Variants in LSM14A observed in about 807,000 individuals in gnomAD.
The protein encoded by LSM14A is LSM14A mRNA processing body assembly factor, also known as protein LSM14 homolog A.
LSM14A carries 14 observed loss-of-function variants against 52.4 expected under a neutral mutation model. The observed-to-expected ratio is 0.27, with a 90% CI of 0.18 to 0.42. The LOEUF is 0.42. LSM14A is among the 10% of genes least tolerant of loss of function. The probability of loss-of-function intolerance (pLI) is 1.00; values close to 1 mark genes in which losing one functional copy is unlikely to be tolerated. For missense variants in LSM14A, 417 were observed against 581.8 expected (o/e 0.72, Z 2.91); for synonymous variants, 185 against 200.3 (o/e 0.92, Z 0.64).
At chr19:34,202,716 C>T (rs1264809357) in intron 3 of LSM14A, among the ~76,000 whole-genome samples, 2 of 152,038 alleles carry the variant, frequency 1.3e-5, no homozygotes, top group African/African-American at 2.4e-5. Context: ...AGTGCAGTGG[C>T]GCATCTCCGC....
intron 1 of LSM14A, among the ~76,000 whole-genome samples, chr19:34,191,622 C>G (rs1275056124): frequency 6.6e-6 from 1 of 151,876 alleles, no homozygotes; most frequent in Non-Finnish European, 1.5e-5. Flanking sequence ...TGCTGCTTGC[C>G]AAAACGTGAA....
At chr19:34,218,169 A>G (rs1279489388) in intron 6 of LSM14A, among the ~76,000 whole-genome samples, 2 of 151,410 alleles carry the variant, frequency 1.3e-5, no homozygotes, top group African/African-American at 4.9e-5. Context: ...ACGCCTGGCT[A>G]ATGTTTCTGT....
At chr19:34,177,559 A>C (rs1332465793) in intron 1 of LSM14A, among the ~76,000 whole-genome samples, 1 of 152,182 alleles carries the variant, frequency 6.6e-6, no homozygotes, top group African/African-American at 2.4e-5. Context: ...CCCTGGTGGA[A>C]AGTCCTTGTT....
intron 1 of LSM14A, 27 bp downstream of exon 1, chr19:34,172,790 G>C (rs372431374): frequency 3.2e-6 from 5 of 1,550,762 alleles, no homozygotes; most frequent in Non-Finnish European, 4.3e-6. Flanking sequence ...CTCAGGGTGG[G>C]GGCCGAGCCG....
intron 4 of LSM14A, among the ~76,000 whole-genome samples, chr19:34,210,907 A>T (rs889531212): frequency 1.3e-5 from 2 of 152,268 alleles, no homozygotes; most frequent in Admixed American, 6.5e-5. Context: ...GGAACACATG[A>T]AAAAGAAGCA....
intron 3 of LSM14A, among the ~76,000 whole-genome samples, chr19:34,207,532 A>AT (rs1316686200): frequency 0.079 from 10,815 of 136,160 alleles, 702 homozygotes; most frequent in African/African-American, 0.17. Context: ...CTGAAGCCAC[A>AT]TTTTTTTTTT....
chr19:34,179,538 T>TTGTTACA (rs1380646440), intron 1 of LSM14A, among the ~76,000 whole-genome samples: 1 of 152,200 alleles, frequency 6.6e-6, no homozygotes, highest in African/African-American at 2.4e-5. Flanking sequence ...CAGTTTATTA[T>TTGTTACA]TGTTACATAG....
intron 9 of LSM14A, among the ~76,000 whole-genome samples, chr19:34,222,762 T>C (rs963305348): frequency 3.9e-5 from 6 of 152,200 alleles, no homozygotes; most frequent in Admixed American, 3.3e-4. Flanking sequence ...CACCAGCTTA[T>C]GCCATCCAGC....
chr19:34,213,339 T>A (rs2072312519), intron 4 of LSM14A, among the ~76,000 whole-genome samples: 2 of 152,232 alleles, frequency 1.3e-5, no homozygotes, highest in African/African-American at 4.8e-5. Context: ...TGGGTTTTGA[T>A]AAATGATCAT....
chr19:34,202,804 G>A (rs1284818604), intron 3 of LSM14A, among the ~76,000 whole-genome samples: 5 of 152,012 alleles, frequency 3.3e-5, no homozygotes, highest in African/African-American at 9.7e-5. Context: ...ACAGACGCCC[G>A]CCACCACGCC....
At chr19:34,196,279 G>A (rs1033751545) in intron 2 of LSM14A, among the ~76,000 whole-genome samples, 2 of 151,942 alleles carry the variant, frequency 1.3e-5, no homozygotes, top group Non-Finnish European at 2.9e-5. Context: ...ATCAACATCA[G>A]ACTAAAACTC....
chr19:34,195,855 T>C (rs2070796642), intron 2 of LSM14A, among the ~76,000 whole-genome samples: 1 of 152,154 alleles, frequency 6.6e-6, no homozygotes, highest in Non-Finnish European at 1.5e-5. Flanking sequence ...CATATGAAAA[T>C]GGTGTTGAAT....
At chr19:34,216,361 C>T (rs1355872153) in intron 6 of LSM14A, among the ~76,000 whole-genome samples, 10 of 150,942 alleles carry the variant, frequency 6.6e-5, no homozygotes, top group African/African-American at 1.2e-4. Flanking sequence ...TGCAGTGAGC[C>T]GAGATTGCTC....
chr19:34,172,897 C>T, intron 1 of LSM14A, 134 bp downstream of exon 1: 5 of 1,088,516 alleles, frequency 4.6e-6, no homozygotes, highest in Non-Finnish European at 6.1e-6. Flanking sequence ...CTCCCTTCTC[C>T]GGGCCCCGGC....
chr19:34,193,158 G>A (rs2070577075), intron 1 of LSM14A, among the ~76,000 whole-genome samples: 1 of 151,942 alleles, frequency 6.6e-6, no homozygotes, highest in Non-Finnish European at 1.5e-5. Context: ...TGGGGATTTG[G>A]TTATTTTATT....
intron 2 of LSM14A, among the ~76,000 whole-genome samples, chr19:34,195,789 A>G (rs897584721): frequency 6.6e-6 from 1 of 152,232 alleles, no homozygotes; most frequent in Non-Finnish European, 1.5e-5. Context: ...ATAATTCTCC[A>G]GGAAACCAGT....
intron 6 of LSM14A, among the ~76,000 whole-genome samples, chr19:34,216,808 G>C (rs1407649407): frequency 1.3e-5 from 2 of 152,122 alleles, no homozygotes; most frequent in Non-Finnish European, 2.9e-5. Flanking sequence ...AGAAGGATTT[G>C]TTCGTTTATA....
In LSM14A at chr19:34,192,319, G is replaced by GTTTTTTTTTTTTTTTTTTTTTTTTTTTTT. The variant is rs71165632; in HGVS notation, c.122-2136_122-2135insTTTTTTTTTTTTTTTTTTTTTTTTTTTTT. On this transcript the variant is annotated intron_variant, in intron 1 of 9. Coordinates refer to ENST00000544216, the MANE Select transcript of LSM14A (RefSeq NM_015578.4). The stretch of plus-strand genomic sequence containing the variant: ...ACACTGAAATAACATTCTTTTTGTT[G>GTTTTTTTTTTTTTTTTTTTTTTTTTTTTT]TTTTTTTTTTTTTTTTTTTTTTTGG... Among the ~76,000 whole-genome samples the GTTTTTTTTTTTTTTTTTTTTTTTTTTTTT allele has an allele frequency of 2.4e-4, 13 of 53,408 alleles. 2 individuals are homozygous for GTTTTTTTTTTTTTTTTTTTTTTTTTTTTT. Among genetic ancestry groups the GTTTTTTTTTTTTTTTTTTTTTTTTTTTTT allele is most frequent in the Non-Finnish European group, 3.9e-4 (12 of 30,626 alleles). The allele number at this position is 53,408 out of a possible 152,430, so 35.0% of individuals were successfully genotyped here.
At chr19:34,196,536 A>G in intron 2 of LSM14A, 98 bp from the exon 3 acceptor site, 26 of 1,206,272 alleles carry the variant, frequency 2.2e-5, no homozygotes, top group Non-Finnish European at 2.9e-5. Context: ...AGTAGTTATA[A>G]TTTAATAGTT....
Sources: gnomAD v4.1 joint callset for allele counts (sites outside exome capture counted in the v4.1 genomes callset) on GRCh38, gnomAD v4.1.1 for gene constraint, MANE v1.5 for transcripts, NCBI Gene and HGNC (gene_info 2026-07-23, HGNC 2026-07-21) for gene names.